CDK7: variants seen among roughly 807,000 people sequenced by gnomAD.
CDK7 encodes cyclin dependent kinase 7.
CDK7 carries 25 observed loss-of-function variants against 49.1 expected under a neutral mutation model. The ratio of observed to expected loss-of-function variants is 0.51; its 90% CI spans 0.37 to 0.71. CDK7 has a LOEUF of 0.71. Among genes scored for constraint, CDK7 ranks in the 30% least tolerant of loss-of-function variants. The pLI, the probability that CDK7 is intolerant of heterozygous loss-of-function variation, is 0.00. For synonymous variants in CDK7, 107 were observed against 140.0 expected, an observed-to-expected ratio of 0.76 and a Z score of 1.67; for missense variants, 316 against 411.7, an observed-to-expected ratio of 0.77 and a Z score of 2.01.
intron 2 of CDK7, among the ~76,000 whole-genome samples, chr5:69,243,925 C>T (rs1215131686): frequency 1.3e-5 from 2 of 149,638 alleles, no homozygotes; most frequent in Non-Finnish European, 1.5e-5. Flanking sequence ...CTGTGCCTCC[C>T]GGGTTTGCGC....
In CDK7 at chr5:69,241,307, GTTTTTTCTT is replaced by G. The variant is rs1217051145; in HGVS notation, c.126+5861_126+5869del. ...TAGGTGAGATGCTCTCTCATTGTAGGTTTTTTCTTTTTTTTTTTTTTTTTTTTTTTTGAG... is the reference window on the plus strand; with the variant it reads ...TAGGTGAGATGCTCTCTCATTGTAGGTTTTTTTTTTTTTTTTTTTTTTGAG... On this transcript the variant is annotated intron_variant, in intron 2 of 11. Coordinates refer to ENST00000256443, the MANE Select transcript of CDK7 (RefSeq NM_001799.4). Among the ~76,000 whole-genome samples, 68 of 112,934 alleles carry G rather than the reference GTTTTTTCTT, an allele frequency of 6.0e-4. 2 individuals carry two copies. The highest frequency in any genetic ancestry group is 5.4e-3 in the Middle Eastern group (1 of 184). 74.1% of individuals were successfully genotyped at this position (112,934 alleles called of 152,430 possible).
intron 2 of CDK7, among the ~76,000 whole-genome samples, chr5:69,249,885 T>C (rs1016254654): frequency 3.3e-5 from 5 of 152,256 alleles, no homozygotes; most frequent in Non-Finnish European, 7.3e-5. Context: ...GTATGTCACT[T>C]GCATCTTTCC....
chr5:69,248,414 C>T (rs1325356813), intron 2 of CDK7, among the ~76,000 whole-genome samples: 1 of 151,472 alleles, frequency 6.6e-6, no homozygotes, highest in Non-Finnish European at 1.5e-5. Flanking sequence ...GAGTTTCATT[C>T]TTGTTTCCCA....
At chr5:69,248,670 G>A (rs1749917311) in intron 2 of CDK7, among the ~76,000 whole-genome samples, 1 of 152,046 alleles carries the variant, frequency 6.6e-6, no homozygotes, top group South Asian at 2.1e-4. Context: ...TTACAGGTGT[G>A]AGCCACAGTG....
chr5:69,268,845 A>AC (rs1358921654), intron 8 of CDK7, among the ~76,000 whole-genome samples: 2 of 142,128 alleles, frequency 1.4e-5, no homozygotes, highest in African/African-American at 5.3e-5. Flanking sequence ...AAAAAAAAAA[A>AC]AAAAACCCAT....
At chr5:69,261,852 G>A (rs889149932) in intron 7 of CDK7, among the ~76,000 whole-genome samples, 2 of 152,140 alleles carry the variant, frequency 1.3e-5, no homozygotes, top group Non-Finnish European at 2.9e-5. Flanking sequence ...AGAGAGGATG[G>A]AAGAAAAGGA....
Position 69,247,511 on chromosome 5 carries a change from C to CTT in CDK7, c.127-4896_127-4895dup, listed in dbSNP as rs149517408. On this transcript the variant is annotated intron_variant, in intron 2 of 11. Coordinates refer to ENST00000256443, the MANE Select transcript of CDK7 (RefSeq NM_001799.4). ...TGTAGGCAACAGATCTTTGGGGCTTCTTTTTTTTTTTTATCCATTCAGTCA... is the reference window on the plus strand; with the variant it reads ...TGTAGGCAACAGATCTTTGGGGCTTCTTTTTTTTTTTTTTATCCATTCAGTCA... 2.5e-3 allele frequency among the ~76,000 whole-genome samples: 358 copies of CTT among 143,762 alleles called. 1 individual carries two copies. Among genetic ancestry groups the CTT allele is most frequent in the African/African-American group, 7.2e-3 (287 of 39,614 alleles). 94.3% of individuals were successfully genotyped at this position (143,762 alleles called of 152,430 possible).
rs148074751 is a variant in CDK7 at position 69,235,594 on chromosome 5, G to C, written c.126+141G>C. ...TTTTCAGAGACAAAATAATTAATTA[G>C]TGCTTTGTGTTCCCAAACGGAACTC... On this transcript the variant is annotated intron_variant, in intron 2 of 11. Transcript: ENST00000256443. The C allele has an allele frequency of 1.0e-5, 7 of 671,068 alleles. No individual in the cohort carries two copies. In the South Asian group the frequency reaches 1.1e-4, roughly 10 times the overall value. The allele number at this position is 671,068 out of a possible 1,614,324, so 41.6% of individuals were successfully genotyped here. A position where few individuals can be genotyped will look rare whatever the true frequency, so the allele number is the denominator to read the frequency against.
intron 9 of CDK7, among the ~76,000 whole-genome samples, chr5:69,272,151 T>A (rs1254098097): frequency 2.3e-4 from 35 of 152,180 alleles, no homozygotes; most frequent in Admixed American, 2.3e-3. Context: ...GAAATGACGG[T>A]CTCTTCATTG....
At chr5:69,241,713 A>G (rs919146656) in intron 2 of CDK7, among the ~76,000 whole-genome samples, 1 of 152,128 alleles carries the variant, frequency 6.6e-6, no homozygotes, top group Non-Finnish European at 1.5e-5. Flanking sequence ...TCTTCTTTTG[A>G]GAAATACCTA....
At chr5:69,235,206 T>C (rs866006050) in intron 1 of CDK7, 165 bp downstream of exon 1, 6 of 766,390 alleles carry the variant, frequency 7.8e-6, no homozygotes, top group Middle Eastern at 3.5e-4. Flanking sequence ...ATCCTGGGGG[T>C]GAATCCCTGA....
chr5:69,257,556 C>G (rs1311399139), intron 5 of CDK7, among the ~76,000 whole-genome samples: 1 of 152,124 alleles, frequency 6.6e-6, no homozygotes, highest in Non-Finnish European at 1.5e-5. Flanking sequence ...AACGAAAGTG[C>G]TTTCTTTTCT....
At chr5:69,265,304 C>A (rs1224032135) in intron 8 of CDK7, among the ~76,000 whole-genome samples, 9 of 144,146 alleles carry the variant, frequency 6.2e-5, no homozygotes, top group South Asian at 2.2e-4. Context: ...ATGAAAATTA[C>A]AAAGAAAACT....
intron 7 of CDK7, among the ~76,000 whole-genome samples, chr5:69,260,266 C>G (rs143444863): frequency 7.9e-5 from 12 of 152,184 alleles, no homozygotes; most frequent in Non-Finnish European, 1.8e-4. Flanking sequence ...AGGAGAATTG[C>G]TTGAACCAGA....
chr5:69,239,037 T>G (rs1225270575), intron 2 of CDK7, among the ~76,000 whole-genome samples: 4 of 152,162 alleles, frequency 2.6e-5, no homozygotes, highest in African/African-American at 9.7e-5. Flanking sequence ...TGTTTTCCTT[T>G]AATACATTCC....
At chr5:69,260,262 A>G (rs1214337035) in intron 7 of CDK7, among the ~76,000 whole-genome samples, 1 of 152,136 alleles carries the variant, frequency 6.6e-6, no homozygotes, top group East Asian at 1.9e-4. Flanking sequence ...AGGCAGGAGA[A>G]TTGCTTGAAC....
At chr5:69,244,654 A>G (rs1749613214) in intron 2 of CDK7, among the ~76,000 whole-genome samples, 1 of 151,840 alleles carries the variant, frequency 6.6e-6, no homozygotes, top group African/African-American at 2.4e-5. Context: ...AAAAAAAAAA[A>G]AAAGATCATA....
intron 8 of CDK7, among the ~76,000 whole-genome samples, chr5:69,265,715 A>G (rs1410075315): frequency 6.6e-6 from 1 of 152,012 alleles, no homozygotes; most frequent in African/African-American, 2.4e-5. Context: ...TTTGAGACCC[A>G]CTTGGGCAAT....
chr5:69,272,736 C>A (rs1393864229), intron 9 of CDK7, among the ~76,000 whole-genome samples, 156 bp from the exon 10 acceptor site: 1 of 151,414 alleles, frequency 6.6e-6, no homozygotes, highest in Non-Finnish European at 1.5e-5. Context: ...CAATTTATAT[C>A]CTTTTCAGCC....
Sources: gnomAD v4.1 joint callset for allele counts (sites outside exome capture counted in the v4.1 genomes callset) on GRCh38, gnomAD v4.1.1 for gene constraint, MANE v1.5 for transcripts, NCBI Gene and HGNC (gene_info 2026-07-23, HGNC 2026-07-21) for gene names.